The following SLC2A12 variants were observed in gnomAD, a reference collection of about 807,000 sequenced individuals.
SLC2A12 encodes solute carrier family 2 member 12.
SLC2A12 carries 23 observed loss-of-function variants against 41.8 expected under a neutral mutation model. That is an observed-to-expected ratio of 0.55 (90% confidence interval 0.40 to 0.78). The LOEUF (loss-of-function observed/expected upper bound fraction) is 0.78, where lower values mean the gene tolerates loss of function less well. Among genes scored for constraint, SLC2A12 ranks in the 30% least tolerant of loss-of-function variants. The pLI, the probability that SLC2A12 is intolerant of heterozygous loss-of-function variation, is 0.00. For synonymous variants in SLC2A12, 295 were observed against 285.9 expected, an observed-to-expected ratio of 1.03 and a Z score of -0.32; for missense variants, 654 against 745.6, an observed-to-expected ratio of 0.88 and a Z score of 1.43.
intron 2 of SLC2A12, among the ~76,000 whole-genome samples, chr6:134,011,627 C>A (rs1776885000): frequency 6.6e-6 from 1 of 152,028 alleles, no homozygotes; most frequent in Admixed American, 6.6e-5. Flanking sequence ...CTAAGAGCTT[C>A]CAAGAGTTTT....
At chr6:134,047,116 C>T (rs1777465143) in intron 1 of SLC2A12, among the ~76,000 whole-genome samples, 1 of 152,112 alleles carries the variant, frequency 6.6e-6, no homozygotes, top group South Asian at 2.1e-4. Context: ...GGAGCCAATT[C>T]CAACTTTTCC....
intron 2 of SLC2A12, among the ~76,000 whole-genome samples, chr6:134,009,381 G>A (rs1295490216): frequency 8.5e-5 from 13 of 152,140 alleles, no homozygotes; most frequent in Admixed American, 7.9e-4. Context: ...TAACTGTATT[G>A]TTGCTGAAAG....
chr6:134,028,246 C>T, intron 2 of SLC2A12, 135 bp downstream of exon 2: 3 of 1,191,118 alleles, frequency 2.5e-6, no homozygotes, highest in Non-Finnish European at 3.5e-6. Flanking sequence ...GCCAAGCATA[C>T]TTTCTGCATT....
chr6:134,005,659 TAAAAAAAAAA>T lies in SLC2A12; in HGVS notation c.1567+1143_1567+1152del, dbSNP rs56710009. Among the ~76,000 whole-genome samples, 78 of 64,966 alleles carry T rather than the reference TAAAAAAAAAA, an allele frequency of 1.2e-3. No homozygotes were observed. The South Asian group carries it at 0.013, about 11-fold the overall frequency. 42.6% of individuals were successfully genotyped at this position (64,966 alleles called of 152,430 possible). A position where few individuals can be genotyped will look rare whatever the true frequency, so the allele number is the denominator to read the frequency against. ...TGGGCAAGAGAGTGAGACTCTGTCTTAAAAAAAAAAAAAAAAAAAAAAAAAAAAAAAAAAG... is the reference window on the plus strand; with the variant it reads ...TGGGCAAGAGAGTGAGACTCTGTCTTAAAAAAAAAAAAAAAAAAAAAAAAG... On this transcript the variant is annotated intron_variant, in intron 3 of 4. Coordinates refer to ENST00000275230, the MANE Select transcript of SLC2A12 (RefSeq NM_145176.3).
At chr6:134,033,980 T>C (rs963538614) in intron 1 of SLC2A12, among the ~76,000 whole-genome samples, 2 of 152,110 alleles carry the variant, frequency 1.3e-5, no homozygotes, top group Non-Finnish European at 2.9e-5. Context: ...CCGGGACTCA[T>C]AGCACACTGA....
rs1216511561 is a variant in SLC2A12, at chr6:133,987,753, G to C, written c.*3402C>G. ...TTTCTTGCAGATTAGAAATAAAAAC[G>C]TGTATATAAACTCTAGGGAACCAGA... is the stretch of plus-strand genomic sequence containing the variant. On this transcript the variant is annotated 3_prime_UTR_variant, in exon 5 of 5. Transcript: ENST00000275230. 1.3e-5 allele frequency: 2 copies of C among 152,024 alleles called. No individual in the cohort carries two copies. Among genetic ancestry groups the C allele is most frequent in the African/African-American group, 4.9e-5 (2 of 41,234 alleles). The allele number at this position is 152,024 out of a possible 1,614,324, so 9.4% of individuals were successfully genotyped here.
intron 1 of SLC2A12, among the ~76,000 whole-genome samples, chr6:134,030,277 T>A (rs1777185244): frequency 6.6e-6 from 1 of 152,180 alleles, no homozygotes; most frequent in Admixed American, 6.5e-5. Context: ...TGGCCTCTGC[T>A]GAACACATGA....
chr6:134,029,084 A>G lies in SLC2A12; in HGVS notation c.741T>C (p.Thr247=). ...LGRLRALSDT[T]EELTVIKSSL... is the part of the protein sequence containing the mutation. ...AGGATTTGATCACAGTGAGTTCCTC[A>G]GTTGTATCTGAGAGTGCTCTTAACC... is the stretch of plus-strand genomic sequence containing the variant. The change falls in exon 2 of 5, where the codon ACT becomes ACC. Residue 247 remains threonine (T), a synonymous_variant. Transcript: ENST00000275230. The G allele has an allele frequency of 3.1e-6, 5 of 1,614,226 alleles. No individual in the cohort carries two copies. The highest frequency in any genetic ancestry group is 4.2e-6 in the Non-Finnish European group (5 of 1,180,032).
intron 2 of SLC2A12, among the ~76,000 whole-genome samples, chr6:134,010,210 A>G (rs1776861828): frequency 6.6e-6 from 1 of 152,148 alleles, no homozygotes; most frequent in African/African-American, 2.4e-5. Flanking sequence ...AAAATCACTA[A>G]TTCCTTTTCC....
intron 1 of SLC2A12, among the ~76,000 whole-genome samples, chr6:134,041,190 A>G (rs751450645): frequency 8.5e-5 from 13 of 152,206 alleles, no homozygotes; most frequent in Non-Finnish European, 1.3e-4. Flanking sequence ...TCTAGAGTGC[A>G]TTGCTCCAGT....
chr6:134,011,294 T>C (rs1052430090), intron 2 of SLC2A12, among the ~76,000 whole-genome samples: 1 of 152,148 alleles, frequency 6.6e-6, no homozygotes, highest in African/African-American at 2.4e-5. Context: ...TCTGGCCTCA[T>C]AAGTTGCCCA....
chr6:134,035,639 G>A (rs1777286902), intron 1 of SLC2A12, among the ~76,000 whole-genome samples: 1 of 152,048 alleles, frequency 6.6e-6, no homozygotes, highest in Non-Finnish European at 1.5e-5. Flanking sequence ...AATTTGTTAT[G>A]CTTTTCTCTT....
intron 1 of SLC2A12, among the ~76,000 whole-genome samples, chr6:134,045,806 G>A (rs541826791): frequency 6.6e-6 from 1 of 152,272 alleles, no homozygotes; most frequent in Non-Finnish European, 1.5e-5. Context: ...TAATACGGAG[G>A]TAAAGCTTTG....
chr6:134,045,948 A>G lies in SLC2A12; in HGVS notation c.103+6430T>C, dbSNP rs1562205973. 2.0e-5 allele frequency among the ~76,000 whole-genome samples: 3 copies of G among 152,246 alleles called. No homozygotes were observed. In the South Asian group the frequency reaches 6.2e-4, roughly 32 times the overall value. On this transcript the variant is annotated intron_variant, in intron 1 of 4. Transcript: ENST00000275230. ...GTACCTACATAATTGGGCTTGCAGCATGAAAAATTCCTCCTGTGATTTTGT... is the reference window on the plus strand; with the variant it reads ...GTACCTACATAATTGGGCTTGCAGCGTGAAAAATTCCTCCTGTGATTTTGT...
intron 3 of SLC2A12, 95 bp from the exon 4 acceptor site, chr6:134,002,224 T>C: frequency 2.3e-6 from 3 of 1,327,574 alleles, no homozygotes; most frequent in Non-Finnish European, 3.1e-6. Flanking sequence ...GCACCATATG[T>C]ATTTTCAAAC....
intron 2 of SLC2A12, among the ~76,000 whole-genome samples, chr6:134,012,866 G>A (rs758861612): frequency 1.3e-5 from 2 of 152,128 alleles, no homozygotes; most frequent in Non-Finnish European, 2.9e-5. Context: ...AGCTACTCAG[G>A]AGGCATAGGC....
chr6:134,028,059 T>C (rs1390640721), intron 2 of SLC2A12, among the ~76,000 whole-genome samples: 2 of 152,202 alleles, frequency 1.3e-5, no homozygotes, highest in African/African-American at 4.8e-5. Context: ...ATGTTACCCA[T>C]TTTATGAAAG....
At chr6:133,994,827 G>C (rs200695844) in intron 4 of SLC2A12, among the ~76,000 whole-genome samples, 1 of 152,224 alleles carries the variant, frequency 6.6e-6, no homozygotes, top group Non-Finnish European at 1.5e-5. Flanking sequence ...AACTTTAAGA[G>C]AGGAAGCAGA....
intron 4 of SLC2A12, among the ~76,000 whole-genome samples, chr6:133,994,492 C>A (rs573672754): frequency 6.6e-6 from 1 of 152,252 alleles, no homozygotes; most frequent in South Asian, 2.1e-4. Flanking sequence ...CTTTAGGAGG[C>A]CGAGGTGGGT....
Sources: gnomAD v4.1 joint callset for allele counts (sites outside exome capture counted in the v4.1 genomes callset) on GRCh38, gnomAD v4.1.1 for gene constraint, MANE v1.5 for transcripts, NCBI Gene and HGNC (gene_info 2026-07-23, HGNC 2026-07-21) for gene names.